GLI3: variants seen among roughly 807,000 people sequenced by gnomAD.
GLI3 encodes the protein GLI family zinc finger 3.
A neutral mutation model predicts 100.8 loss-of-function variants in GLI3; 20 were observed. The observed-to-expected ratio is 0.20, with a 90% CI of 0.14 to 0.29. GLI3 has a LOEUF of 0.29. Ranked by LOEUF, GLI3 falls within the 10% of genes least tolerant of loss-of-function variation. GLI3 has a pLI of 1.00. For synonymous variants in GLI3, 938 were observed against 860.5 expected (o/e 1.09, Z -1.58); for missense variants, 2,040 against 2,128.5 (o/e 0.96, Z 0.82).
intron 3 of GLI3, among the ~76,000 whole-genome samples, chr7:42,112,853 G>A (rs1034467418): frequency 6.6e-6 from 1 of 152,080 alleles, no homozygotes; most frequent in African/African-American, 2.4e-5. Flanking sequence ...CTGCCCAAGA[G>A]AGAGGAGACA....
At chr7:42,138,233 G>A (rs919689423) in intron 3 of GLI3, among the ~76,000 whole-genome samples, 2 of 152,164 alleles carry the variant, frequency 1.3e-5, no homozygotes, top group Non-Finnish European at 2.9e-5. Context: ...GGCAGGTCAC[G>A]TCAGCAGTGT....
chr7:42,041,974 TAG>T (rs1784148028), intron 6 of GLI3, among the ~76,000 whole-genome samples: 1 of 152,016 alleles, frequency 6.6e-6, no homozygotes, highest in Non-Finnish European at 1.5e-5. Context: ...CAGCCTGATT[TAG>T]AGCATGTTAG....
chr7:42,016,242 G>T (rs978076420), intron 10 of GLI3, among the ~76,000 whole-genome samples: 1 of 152,078 alleles, frequency 6.6e-6, no homozygotes, highest in Non-Finnish European at 1.5e-5. Flanking sequence ...TGGAATCTCC[G>T]CACTGCAGAA....
intron 4 of GLI3, among the ~76,000 whole-genome samples, chr7:42,060,936 C>CTAACATACA (rs1345210949): frequency 6.6e-6 from 1 of 152,172 alleles, no homozygotes; most frequent in African/African-American, 2.4e-5. Context: ...GAAAATGACT[C>CTAACATACA]TAACATACAT....
At chr7:42,193,356 C>T (rs1476963107) in intron 2 of GLI3, among the ~76,000 whole-genome samples, 5 of 152,072 alleles carry the variant, frequency 3.3e-5, no homozygotes, top group Non-Finnish European at 7.3e-5. Flanking sequence ...CTCCTCCACC[C>T]AGAGAGCTGC....
intron 2 of GLI3, among the ~76,000 whole-genome samples, chr7:42,220,995 G>A (rs925770937): frequency 2.0e-5 from 3 of 152,196 alleles, no homozygotes; most frequent in African/African-American, 7.2e-5. Flanking sequence ...TACACATTTA[G>A]GAGAAAATGT....
At chr7:42,221,540 ACACTCACACT>A (rs1318219652) in intron 2 of GLI3, among the ~76,000 whole-genome samples, 1 of 151,998 alleles carries the variant, frequency 6.6e-6, no homozygotes. Context: ...ATATCCTCAC[ACACTCACACT>A]CACTCACACC....
upstream of GLI3, among the ~76,000 whole-genome samples, chr7:42,241,253 G>T (rs768314746): frequency 2.6e-5 from 4 of 152,160 alleles, no homozygotes; most frequent in Admixed American, 6.5e-5. Flanking sequence ...GGTGGCCAGA[G>T]GCAGCTGCAT....
chr7:42,184,888 G>T (rs761365760), intron 2 of GLI3, among the ~76,000 whole-genome samples: 1 of 152,080 alleles, frequency 6.6e-6, no homozygotes, highest in Non-Finnish European at 1.5e-5. Flanking sequence ...TGGCACCTTC[G>T]TTGCATCCTG....
intron 2 of GLI3, among the ~76,000 whole-genome samples, chr7:42,175,051 G>A (rs747111509): frequency 4.6e-5 from 7 of 152,010 alleles, no homozygotes; most frequent in Non-Finnish European, 4.4e-5. Flanking sequence ...CCTTACAGTC[G>A]CACCTTGTGC....
intron 2 of GLI3, among the ~76,000 whole-genome samples, chr7:42,213,910 G>A (rs199643748): frequency 7.6e-4 from 116 of 152,372 alleles, no homozygotes; most frequent in Non-Finnish European, 1.2e-3. Context: ...GCTTTCAGCC[G>A]GGCAGGGCTG....
intron 3 of GLI3, among the ~76,000 whole-genome samples, chr7:42,121,664 G>A (rs1428686778): frequency 2.0e-5 from 3 of 152,150 alleles, no homozygotes; most frequent in Non-Finnish European, 4.4e-5. Flanking sequence ...AAACTGGGGA[G>A]TGACAGCTTC....
Position 42,042,978 on chromosome 7 carries a change from C to G in GLI3, c.826+2406G>C, listed in dbSNP as rs555924770. On this transcript the variant is annotated intron_variant, in intron 6 of 14. Coordinates refer to ENST00000395925, the MANE Select transcript of GLI3 (RefSeq NM_000168.6). The stretch of plus-strand genomic sequence containing the variant: ...TCCTAACAAGCTACATATAAACACT[C>G]TGTCCTACATCTTGCTGAAACCTAG... Among the ~76,000 whole-genome samples the G allele has an allele frequency of 6.6e-5, 10 of 152,300 alleles. No individual in the cohort carries two copies. The South Asian group carries it at 2.1e-3, about 32-fold the overall frequency.
intron 2 of GLI3, among the ~76,000 whole-genome samples, chr7:42,187,190 G>T (rs950483665): frequency 1.4e-5 from 2 of 144,186 alleles, no homozygotes; most frequent in Non-Finnish European, 3.0e-5. Context: ...AAGTCTGAGT[G>T]ACAGAGTGAG....
At chr7:42,015,899 C>A (rs4724088) in intron 10 of GLI3, among the ~76,000 whole-genome samples, 7 of 151,704 alleles carry the variant, frequency 4.6e-5, no homozygotes, top group African/African-American at 1.5e-4. Flanking sequence ...GTTTTTCTTA[C>A]GTGTGTTTTT....
intron 3 of GLI3, among the ~76,000 whole-genome samples, chr7:42,115,355 G>A (rs1170515317): frequency 1.3e-5 from 2 of 151,996 alleles, no homozygotes; most frequent in Non-Finnish European, 2.9e-5. Flanking sequence ...GGCCAGGCTG[G>A]TCTGGAACTC....
At position 41,965,011 on chromosome 7, in the gene GLI3, G is replaced by C. The variant is rs368599551; in HGVS notation, c.4062C>G (p.Ile1354Met). The part of the protein sequence containing the change: ...MLGQISATSH[I>M]NIYQGPESCL... ...AGCTCTCTGGCCCTTGGTAGATGTT[G>C]ATGTGTGAGGTAGCACTAATCTGCC... Residue 1354 changes from isoleucine (I) to methionine (M), a missense_variant, in exon 15 of 15, where the codon ATC (isoleucine) becomes ATG (methionine). Transcript: ENST00000395925. 6.2e-7 allele frequency: 1 copy of C among 1,613,918 alleles called. No individual in the cohort carries two copies. Among genetic ancestry groups the C allele is most frequent in the African/African-American group, 1.3e-5 (1 of 75,074 alleles).
At chr7:42,140,315 T>G (rs1786536445) in intron 3 of GLI3, among the ~76,000 whole-genome samples, 1 of 152,192 alleles carries the variant, frequency 6.6e-6, no homozygotes, top group Non-Finnish European at 1.5e-5. Flanking sequence ...GTTTAGCACT[T>G]AGGTGACACT....
intron 10 of GLI3, among the ~76,000 whole-genome samples, chr7:42,016,686 AATC>A (rs1395793966): frequency 1.3e-5 from 2 of 152,128 alleles, no homozygotes; most frequent in South Asian, 2.1e-4. Flanking sequence ...ATTCTTCTCA[AATC>A]ATCATCATCA....
Sources: gnomAD v4.1 joint callset for allele counts (sites outside exome capture counted in the v4.1 genomes callset) on GRCh38, gnomAD v4.1.1 for gene constraint, MANE v1.5 for transcripts, NCBI Gene and HGNC (gene_info 2026-07-23, HGNC 2026-07-21) for gene names.